Variants in IGSF23 observed in about 807,000 individuals in gnomAD.
The protein encoded by IGSF23 is immunoglobulin superfamily member 23, also known as immunoglobulin superfamily, member 23.
In IGSF23, 14 loss-of-function variants were observed where a neutral mutation model predicts 17.8. That is an observed-to-expected ratio of 0.79 (90% CI 0.52 to 1.23). IGSF23 has a LOEUF of 1.23. Among genes scored for constraint, IGSF23 ranks in the 50% most tolerant of loss-of-function variants. The probability of loss-of-function intolerance (pLI) is 0.00; values close to 1 mark genes in which losing one functional copy is unlikely to be tolerated. For missense variants in IGSF23, 214 were observed against 241.7 expected (o/e 0.89, Z 0.76); for synonymous variants, 85 against 92.5 (o/e 0.92, Z 0.46).
chr19:44,634,698 C>T (rs1354058727), intron 3 of IGSF23, among the ~76,000 whole-genome samples: 1 of 151,636 alleles, frequency 6.6e-6, no homozygotes, highest in Non-Finnish European at 1.5e-5. Context: ...TTTTGGGGGG[C>T]ATGTTCCCAA....
chr19:44,628,107 G>A (rs891605340), intron 3 of IGSF23, among the ~76,000 whole-genome samples: 2 of 151,948 alleles, frequency 1.3e-5, no homozygotes, highest in East Asian at 1.9e-4. Context: ...ACCACGCCTG[G>A]CTAATTTTTG....
At chr19:44,617,466 T>A (rs1398266496) in intron 1 of IGSF23, among the ~76,000 whole-genome samples, 1 of 152,228 alleles carries the variant, frequency 6.6e-6, no homozygotes, top group Admixed American at 6.5e-5. Context: ...ATGCATATGT[T>A]AATTAGCTCA....
intron 3 of IGSF23, chr19:44,632,232 G>C (rs1163848075): frequency 4.2e-6 from 1 of 239,854 alleles, no homozygotes; most frequent in African/African-American, 2.4e-5. Context: ...CTGTGTCATA[G>C]AGTGATTACA....
At chr19:44,633,739 T>G (rs1972821331) in intron 3 of IGSF23, among the ~76,000 whole-genome samples, 1 of 152,232 alleles carries the variant, frequency 6.6e-6, no homozygotes, top group Non-Finnish European at 1.5e-5. Context: ...CCCTGAATAG[T>G]TATTTCACAG....
chr19:44,631,645 G>A (rs548954703), intron 3 of IGSF23, among the ~76,000 whole-genome samples: 31 of 152,322 alleles, frequency 2.0e-4, no homozygotes, highest in Non-Finnish European at 3.1e-4. Context: ...ATTTACCCAC[G>A]TATTTATTAA....
At position 44,636,552 on chromosome 19, in the gene IGSF23, A is replaced by G. The variant is rs1972893046; in HGVS notation, c.*165A>G. ...TTTGCCCTGTTTCTGAAACACCTGA[A>G]GAAAACATCTGATGGGTTGACTCGG... On this transcript the variant is annotated 3_prime_UTR_variant, in exon 5 of 5. Transcript: ENST00000402988. 6.6e-6 allele frequency: 1 copy of G among 152,184 alleles called. No homozygotes were observed. Among genetic ancestry groups the G allele is most frequent in the African/African-American group, 2.4e-5 (1 of 41,444 alleles). 9.4% of individuals were successfully genotyped at this position (152,184 alleles called of 1,614,324 possible). A position where few individuals can be genotyped will look rare whatever the true frequency, so the allele number is the denominator to read the frequency against.
At chr19:44,632,265 G>A (rs1972784513) in intron 3 of IGSF23, 1 of 204,804 alleles carries the variant, frequency 4.9e-6, no homozygotes, top group Non-Finnish European at 9.9e-6. Flanking sequence ...TGCCAGCCAA[G>A]ATTGATGAAT....
intron 1 of IGSF23, among the ~76,000 whole-genome samples, chr19:44,619,096 C>G (rs891370593): frequency 1.3e-5 from 2 of 151,926 alleles, no homozygotes; most frequent in Non-Finnish European, 2.9e-5. Context: ...TTAATCATAG[C>G]GAAGGCAAAG....
rs186137504 is a variant in IGSF23 at position 44,631,006 on chromosome 19, G to A, written c.545+3433G>A. On this transcript the variant is annotated intron_variant, in intron 3 of 4. Coordinates refer to ENST00000402988, the MANE Select transcript of IGSF23 (RefSeq NM_001205280.2). ...TGTGGTGCTCACAATTGTAATCCCA[G>A]CACTTTGGGAGGCTGAGGCAGGAGG... is the stretch of plus-strand genomic sequence containing the variant. 2.2e-4 allele frequency among the ~76,000 whole-genome samples: 33 copies of A among 151,688 alleles called. No individual in the cohort carries two copies. In the East Asian group the frequency reaches 5.6e-3, roughly 26 times the overall value.
At chr19:44,633,735 A>C (rs1407109442) in intron 3 of IGSF23, among the ~76,000 whole-genome samples, 2 of 152,186 alleles carry the variant, frequency 1.3e-5, no homozygotes, top group Non-Finnish European at 2.9e-5. Context: ...CTTTCCCTGA[A>C]TAGTTATTTC....
In IGSF23 at chr19:44,616,095, A is replaced by C. The variant is rs373324097; in HGVS notation, c.125+2325A>C. On this transcript the variant is annotated intron_variant, in intron 1 of 4. Coordinates refer to ENST00000402988, the MANE Select transcript of IGSF23 (RefSeq NM_001205280.2). ...GTAAATACAAAATGTTCTCTTGATA[A>C]CAGCAGGTACCTCGAGAGTGTGACC... Among the ~76,000 whole-genome samples, 146 of 152,216 alleles carry C rather than the reference A, an allele frequency of 9.6e-4. 1 individual carries two copies. The highest frequency in any genetic ancestry group is 3.1e-3 in the African/African-American group (128 of 41,528).
intron 1 of IGSF23, among the ~76,000 whole-genome samples, chr19:44,623,272 T>C (rs1173253320): frequency 6.6e-6 from 1 of 152,190 alleles, no homozygotes; most frequent in Non-Finnish European, 1.5e-5. Flanking sequence ...CTGGTTACCA[T>C]GGGCAACTGG....
chr19:44,632,178 G>C (rs1454981379), intron 3 of IGSF23: 3 of 323,082 alleles, frequency 9.3e-6, no homozygotes, highest in Admixed American at 4.1e-5. Flanking sequence ...AATTATAGGA[G>C]GAGATTTGTT....
intron 2 of IGSF23, 81 bp from the exon 3 acceptor site, chr19:44,627,339 G>C (rs1037711815): frequency 3.0e-6 from 4 of 1,350,830 alleles, no homozygotes; most frequent in Non-Finnish European, 4.0e-6. Context: ...AGACACTTGG[G>C]AGGGGGAATG....
chr19:44,634,210 C>T (rs538832586), intron 3 of IGSF23, among the ~76,000 whole-genome samples: 1 of 152,280 alleles, frequency 6.6e-6, no homozygotes, highest in Admixed American at 6.5e-5. Flanking sequence ...GGAATGGGGC[C>T]CAGGACAGGC....
Position 44,627,550 on chromosome 19 carries a change from T to C in IGSF23, c.522T>C (p.Cys174=), listed in dbSNP as rs752332720. The C allele has an allele frequency of 4.7e-5, 73 of 1,550,214 alleles. No individual in the cohort carries two copies. The highest frequency in any genetic ancestry group is 6.2e-5 in the Non-Finnish European group (71 of 1,146,894). The change falls in exon 3 of 5, where the codon TGT becomes TGC. Residue 174 remains cysteine, a synonymous_variant. Transcript: ENST00000402988. ...CCGGGGCACTGATTGCAGGCATGTG[T>C]TTCATCATCATCCAGAGCCTAAGGT... ...LGAGALIAGM[C]FIIIQSLRTD...
intron 2 of IGSF23, among the ~76,000 whole-genome samples, chr19:44,625,863 G>A (rs374777634): frequency 2.0e-5 from 3 of 152,140 alleles, no homozygotes; most frequent in Admixed American, 1.3e-4. Flanking sequence ...TAAGTCTCAC[G>A]AGTTCTGATG....
intron 3 of IGSF23, among the ~76,000 whole-genome samples, chr19:44,629,806 G>C (rs1448749358): frequency 6.6e-6 from 1 of 151,758 alleles, no homozygotes; most frequent in Non-Finnish European, 1.5e-5. Flanking sequence ...GCCAATTTTT[G>C]TATTTTTAGT....
At chr19:44,629,381 G>A (rs78905796) in intron 3 of IGSF23, among the ~76,000 whole-genome samples, 352 of 151,684 alleles carry the variant, frequency 2.3e-3, no homozygotes, top group Non-Finnish European at 4.3e-3. Context: ...GTGAGACCCC[G>A]TCTCTACCAA....
Sources: allele counts gnomAD v4.1 joint callset (sites outside exome capture counted in the v4.1 genomes callset), GRCh38; gene constraint gnomAD v4.1.1; transcripts MANE v1.5; gene names NCBI Gene and HGNC (gene_info 2026-07-23, HGNC 2026-07-21).